The following AKAP8L variants were observed in gnomAD, a reference collection of about 807,000 sequenced individuals.
AKAP8L encodes A-kinase anchoring protein 8 like, also known as A-kinase anchor protein 8-like.
AKAP8L carries 34 observed loss-of-function variants against 77.5 expected under a neutral mutation model. The observed-to-expected ratio is 0.44, with a 90% CI of 0.33 to 0.58. The LOEUF is 0.58. Ranked by LOEUF, AKAP8L falls within the 20% of genes least tolerant of loss-of-function variation. AKAP8L has a pLI of 0.02. For missense variants in AKAP8L, 806 were observed against 887.6 expected (o/e 0.91, Z 1.17); for synonymous variants, 342 against 340.7 (o/e 1.00, Z -0.04).
Position 15,398,374 on chromosome 19 carries a change from C to T in AKAP8L, c.1158-519G>A, listed in dbSNP as rs1174229097. Reference sequence around the variant, plus strand: ...TGCTCAGAATGCTTGGGGGTGGTGTCGGGAGGGATGGGAGGCAGCAGGCCT... The same window carrying T: ...TGCTCAGAATGCTTGGGGGTGGTGTTGGGAGGGATGGGAGGCAGCAGGCCT... On this transcript the variant is annotated intron_variant, in intron 9 of 13. Coordinates refer to ENST00000397410, the MANE Select transcript of AKAP8L (RefSeq NM_014371.4). The surrounding 1 kb of genome is among the most constrained non-coding windows in gnomAD (Gnocchi z 9.2). 4.8e-5 allele frequency: 8 copies of T among 165,842 alleles called. No homozygotes were observed. The highest frequency in any genetic ancestry group is 7.2e-5 in the African/African-American group (3 of 41,638). 10.3% of individuals were successfully genotyped at this position (165,842 alleles called of 1,614,324 possible).
chr19:15,395,759 C>A (rs924324794), intron 12 of AKAP8L, among the ~76,000 whole-genome samples: 3 of 146,234 alleles, frequency 2.1e-5, no homozygotes, highest in Admixed American at 6.7e-5. Flanking sequence ...CCGAGGCGGG[C>A]GGATCACGAG....
chr19:15,397,174 G>A lies in AKAP8L; in HGVS notation c.1512C>T (p.Thr504=), dbSNP rs369447883. The change falls in exon 12 of 14, where the codon ACC becomes ACT. Residue 504 remains threonine (T), a synonymous_variant. Transcript: ENST00000397410. The surrounding 1 kb of genome is among the most constrained non-coding windows in gnomAD (Gnocchi z 4.7). ...QFGIIQKHLK[T]MDHNRNRRLM... ...CCCTGCGGTTCCGGTTGTGATCCAT[G>A]GTCTTCAGATGCTTCTGGATGATCC... 294 of 1,613,946 alleles carry A rather than the reference G, an allele frequency of 1.8e-4. 1 individual carries two copies. Among genetic ancestry groups the A allele is most frequent in the Non-Finnish European group, 2.3e-4 (271 of 1,179,886 alleles).
At chr19:15,418,885 G>T in intron 1 of AKAP8L, 26 bp downstream of exon 1, 1 of 1,597,626 alleles carries the variant, frequency 6.3e-7, no homozygotes, top group Non-Finnish European at 8.5e-7. Context: ...CCCACGCAGA[G>T]CCCGACCCCA....
At chr19:15,388,023 C>G (rs916630416) in intron 12 of AKAP8L, among the ~76,000 whole-genome samples, 2 of 152,042 alleles carry the variant, frequency 1.3e-5, no homozygotes, top group Non-Finnish European at 2.9e-5. Flanking sequence ...TTAATTGGAT[C>G]AGATTGGGCA....
intron 12 of AKAP8L, chr19:15,380,842 A>C (rs1243796651): frequency 8.8e-6 from 5 of 570,696 alleles, no homozygotes; most frequent in Non-Finnish European, 1.6e-5. Context: ...ATACAGATCT[A>C]TATATCTCTA....
rs776672957 is a variant in AKAP8L at position 15,401,135 on chromosome 19, G to C, written c.816+15C>G. 68 of 1,605,050 alleles carry C rather than the reference G, an allele frequency of 4.2e-5. No individual in the cohort carries two copies. The highest frequency in any genetic ancestry group is 5.2e-5 in the Non-Finnish European group (61 of 1,177,938). On this transcript the variant is annotated intron_variant, in intron 5 of 13. Transcript: ENST00000397410. The surrounding 1 kb of genome is among the most constrained non-coding windows in gnomAD (Gnocchi z 6.2). ...GGAACTAAGCTTCCCAGAGGGGAAG[G>C]CTGCCTCCACTCACTCGGAAGTCGG...
Position 15,399,265 on chromosome 19 carries a change from CGAGGCA to C in AKAP8L, c.1157+31_1157+36del. 6.4e-7 allele frequency: 1 copy of C among 1,573,554 alleles called. No homozygotes were observed. Among genetic ancestry groups the C allele is most frequent in the Non-Finnish European group, 8.7e-7 (1 of 1,143,498 alleles). ...TGCTCTCCTGGCGGCAGCCCCACAG[CGAGGCA>C]GAGGCAGAGGGGTGGAGGGAAGCTG... On this transcript the variant is annotated intron_variant, in intron 9 of 13. Coordinates refer to ENST00000397410, the MANE Select transcript of AKAP8L (RefSeq NM_014371.4). This position sits in a 1 kb window ranked among gnomAD's most constrained non-coding sequence, Gnocchi z 6.1.
At chr19:15,400,208 T>C (rs1444599219) in intron 8 of AKAP8L, 87 bp downstream of exon 8, 2 of 1,426,152 alleles carry the variant, frequency 1.4e-6, no homozygotes, top group Non-Finnish European at 2.0e-6. Context: ...GCCGCATGTC[T>C]GCCGCAACCC....
chr19:15,400,542 G>T, intron 7 of AKAP8L, 184 bp from the exon 8 acceptor site: 1 of 723,340 alleles, frequency 1.4e-6, no homozygotes. Context: ...AAATGACAAG[G>T]CCCGGCTATG....
Position 15,397,064 on chromosome 19 carries a change from C to G in AKAP8L, c.1536+86G>C. On this transcript the variant is annotated intron_variant, in intron 12 of 13. Coordinates refer to ENST00000397410, the MANE Select transcript of AKAP8L (RefSeq NM_014371.4). This position sits in a 1 kb window ranked among gnomAD's most constrained non-coding sequence, Gnocchi z 4.7. The stretch of plus-strand genomic sequence containing the variant: ...TGCCTCCACTGCAGTCCCTCACGGG[C>G]TGGCAGAGGTTCCAACTGCACAACC... 6.4e-7 allele frequency: 1 copy of G among 1,567,178 alleles called. No individual in the cohort carries two copies. Among genetic ancestry groups the G allele is most frequent in the Admixed American group, 1.7e-5 (1 of 58,870 alleles).
intron 12 of AKAP8L, among the ~76,000 whole-genome samples, chr19:15,394,619 C>T (rs1469626426): frequency 1.3e-5 from 2 of 151,954 alleles, no homozygotes; most frequent in African/African-American, 4.8e-5. Context: ...TCATAACTTA[C>T]TGTAACCTTG....
At chr19:15,409,671 C>T (rs926138431) in intron 2 of AKAP8L, among the ~76,000 whole-genome samples, 2 of 152,206 alleles carry the variant, frequency 1.3e-5, no homozygotes, top group African/African-American at 4.8e-5. Context: ...GCTTTAACAG[C>T]AGTCCGGGCT....
chr19:15,380,255 G>A lies in AKAP8L; in HGVS notation c.1808C>T (p.Pro603Leu). ...PEPAPGAVSP[P>L]PPPPPEEEEE... ...CTCCTCCTCTGGGGGCGGCGGCGGT[G>A]GCGGCGACACGGCCCCGGGGGCTGG... Residue 603 changes from proline to leucine, a missense_variant, in exon 14 of 14, where the codon CCA (proline) becomes CTA (leucine). Coordinates refer to ENST00000397410, the MANE Select transcript of AKAP8L (RefSeq NM_014371.4). The A allele has an allele frequency of 1.3e-6, 2 of 1,498,670 alleles. No individual in the cohort carries two copies. The highest frequency in any genetic ancestry group is 1.8e-6 in the Non-Finnish European group (2 of 1,134,402). The allele number at this position is 1,498,670 out of a possible 1,614,324, so 92.8% of individuals were successfully genotyped here.
chr19:15,408,665 C>T (rs1434770984), intron 2 of AKAP8L, among the ~76,000 whole-genome samples: 1 of 151,380 alleles, frequency 6.6e-6, no homozygotes, highest in Non-Finnish European at 1.5e-5. Context: ...GGGAGGATCA[C>T]GAGGTCAGGA....
At chr19:15,418,164 G>A (rs1968243965) in intron 1 of AKAP8L, among the ~76,000 whole-genome samples, 1 of 152,190 alleles carries the variant, frequency 6.6e-6, no homozygotes, top group Non-Finnish European at 1.5e-5. Flanking sequence ...ACCCCCGCAC[G>A]GTACTGACCA....
In AKAP8L at chr19:15,401,188, T is replaced by C. The variant is rs1967889823; in HGVS notation, c.778A>G (p.Arg260Gly). The C allele has an allele frequency of 6.2e-7, 1 of 1,610,092 alleles. No individual in the cohort carries two copies. Among genetic ancestry groups the C allele is most frequent in the East Asian group, 2.2e-5 (1 of 44,806 alleles). Reference protein sequence around the residue: ...FGFGNGMKQMRRTWKTWTTAD... With the variant: ...FGFGNGMKQMGRTWKTWTTAD... ...GTGGTCCAGGTCTTCCAGGTCCGCC[T>C]CATCTGCTTCATGCCATTGCCAAAC... is the stretch of plus-strand genomic sequence containing the variant. Residue 260 changes from arginine to glycine, a missense_variant, in exon 5 of 14, where the codon AGG becomes GGG. Coordinates refer to ENST00000397410, the MANE Select transcript of AKAP8L (RefSeq NM_014371.4). The surrounding 1 kb of genome is among the most constrained non-coding windows in gnomAD (Gnocchi z 6.2).
At chr19:15,414,400 A>C (rs1160758643) in intron 1 of AKAP8L, among the ~76,000 whole-genome samples, 2 of 151,784 alleles carry the variant, frequency 1.3e-5, no homozygotes, top group Non-Finnish European at 2.9e-5. Context: ...GGTACAATTT[A>C]TCAGCCTGAT....
rs937788687 is a variant in AKAP8L, at chr19:15,398,992, T to G, written c.1157+310A>C. ...GAGCTGGCCCCCTCCCTCAGGGGCA[T>G]CAGGCCCCCAGTGCACCTTGGGGTT... On this transcript the variant is annotated intron_variant, in intron 9 of 13. Transcript: ENST00000397410. This position sits in a 1 kb window ranked among gnomAD's most constrained non-coding sequence, Gnocchi z 9.2. 2 of 402,568 alleles carry G rather than the reference T, an allele frequency of 5.0e-6. No homozygotes were observed. Among genetic ancestry groups the G allele is most frequent in the African/African-American group, 4.1e-5 (2 of 48,298 alleles). The allele number at this position is 402,568 out of a possible 1,614,324, so 24.9% of individuals were successfully genotyped here.
intron 12 of AKAP8L, among the ~76,000 whole-genome samples, chr19:15,384,481 G>A (rs1967487521): frequency 6.6e-6 from 1 of 151,372 alleles, no homozygotes; most frequent in South Asian, 2.1e-4. Flanking sequence ...TTGTATTTTA[G>A]TAGAGACAGG....
Sources: allele counts gnomAD v4.1 joint callset (sites outside exome capture counted in the v4.1 genomes callset), GRCh38; gene constraint gnomAD v4.1.1; non-coding constraint Gnocchi (gnomAD v3.1); transcripts MANE v1.5; gene names NCBI Gene and HGNC (gene_info 2026-07-23, HGNC 2026-07-21).